RGP1: variants seen among roughly 807,000 people sequenced by gnomAD.
RGP1 encodes RAB6A-GEF complex partner protein 2.
RGP1 carries 28 observed loss-of-function variants against 44.5 expected under a neutral mutation model. That is an observed-to-expected ratio of 0.63 (90% confidence interval 0.47 to 0.86). RGP1 has a LOEUF of 0.86. Ranked by LOEUF, RGP1 falls within the 40% of genes least tolerant of loss-of-function variation. The probability of loss-of-function intolerance (pLI) is 0.00; values close to 1 mark genes in which losing one functional copy is unlikely to be tolerated. For synonymous variants in RGP1, 212 were observed against 196.7 expected (o/e 1.08, Z -0.65); for missense variants, 417 against 490.7 (o/e 0.85, Z 1.42).
the RGP1 span, among the ~76,000 whole-genome samples, chr9:35,770,923 A>T: frequency 6.6e-6 from 1 of 152,190 alleles, no homozygotes; most frequent in African/African-American, 2.4e-5. Context: ...AAGAACAGGT[A>T]CTCACACAGG....
rs763505594 is a variant in RGP1, at chr9:35,757,694, T to C, written c.*4820T>C. On this transcript the variant is annotated 3_prime_UTR_variant, in exon 9 of 9. Transcript: ENST00000378078. ...GTTTTAGGAGTAGGGGGAGTTATGATTATTTGGTTACATTTTGGGATTATT... is the reference window on the plus strand; with the variant it reads ...GTTTTAGGAGTAGGGGGAGTTATGACTATTTGGTTACATTTTGGGATTATT... 6.6e-6 allele frequency: 1 copy of C among 152,064 alleles called. No individual in the cohort carries two copies. Among genetic ancestry groups the C allele is most frequent in the Admixed American group, 6.5e-5 (1 of 15,268 alleles). The allele number at this position is 152,064 out of a possible 1,614,324, so 9.4% of individuals were successfully genotyped here.
the RGP1 span, among the ~76,000 whole-genome samples, chr9:35,781,628 A>G: frequency 6.6e-6 from 1 of 152,062 alleles, no homozygotes; most frequent in Non-Finnish European, 1.5e-5. Flanking sequence ...CACTGGCAAT[A>G]CCTTTTAGGT....
chr9:35,778,710 G>A, the RGP1 span, among the ~76,000 whole-genome samples: 1 of 152,112 alleles, frequency 6.6e-6, no homozygotes, highest in Non-Finnish European at 1.5e-5. Context: ...CACAAATAAT[G>A]CACATTCGCC....
Position 35,750,665 on chromosome 9 carries a change from G to A in RGP1, c.261G>A (p.Arg87=). ...QTVFLPHRGE[R]GQCILSTPPK... is the part of the protein sequence containing the mutation. ...CATTTTTACCTTTTTCAGGTGAGAGGGGCCAGTGTATCCTTTCTACTCCAC... is the reference window on the plus strand; with the variant it reads ...CATTTTTACCTTTTTCAGGTGAGAGAGGCCAGTGTATCCTTTCTACTCCAC... Residue 87 remains arginine, a synonymous_variant, in exon 4 of 9, where the codon AGG becomes AGA. Coordinates refer to ENST00000378078, the MANE Select transcript of RGP1 (RefSeq NM_001080496.3). 6.2e-7 allele frequency: 1 copy of A among 1,613,914 alleles called. No homozygotes were observed. The highest frequency in any genetic ancestry group is 8.5e-7 in the Non-Finnish European group (1 of 1,179,844).
At chr9:35,771,973 G>C in the RGP1 span, among the ~76,000 whole-genome samples, 167 of 152,280 alleles carry the variant, frequency 1.1e-3, no homozygotes, top group African/African-American at 3.3e-3. Flanking sequence ...TGCTTTTGGG[G>C]GAGGGGAGGC....
At chr9:35,770,492 GGA>G in the RGP1 span, among the ~76,000 whole-genome samples, 7,683 of 106,318 alleles carry the variant, frequency 0.072, 258 homozygotes, top group Non-Finnish European at 0.093. Context: ...GTATTACCAT[GGA>G]GAGAGAGAGA....
Position 35,755,607 on chromosome 9 carries a change from A to T in RGP1, c.*2733A>T, listed in dbSNP as rs180683602. The T allele has an allele frequency of 2.6e-5, 4 of 152,344 alleles. No individual in the cohort carries two copies. Among genetic ancestry groups the T allele is most frequent in the Admixed American group, 2.0e-4 (3 of 15,304 alleles). The allele number at this position is 152,344 out of a possible 1,614,324, so 9.4% of individuals were successfully genotyped here. On this transcript the variant is annotated 3_prime_UTR_variant, in exon 9 of 9. Transcript: ENST00000378078. ...GATCATCAGGCATTAGATTCTCATA[A>T]GGAGTGTGCAATCTAGATCCCTTGC...
At position 35,756,135 on chromosome 9, in the gene RGP1, A is replaced by G. The variant is rs1013212592; in HGVS notation, c.*3261A>G. 5.3e-5 allele frequency: 8 copies of G among 152,146 alleles called. No homozygotes were observed. Among genetic ancestry groups the G allele is most frequent in the African/African-American group, 1.7e-4 (7 of 41,398 alleles). 9.4% of individuals were successfully genotyped at this position (152,146 alleles called of 1,614,324 possible). A position where few individuals can be genotyped will look rare whatever the true frequency, so the allele number is the denominator to read the frequency against. ...TCTTTGGCACTAAAGGCCCTGGTCA[A>G]ATTGGATTTCTTTCATTTTTCCACA... On this transcript the variant is annotated 3_prime_UTR_variant, in exon 9 of 9. Coordinates refer to ENST00000378078, the MANE Select transcript of RGP1 (RefSeq NM_001080496.3).
chr9:35,781,049 T>C, the RGP1 span, among the ~76,000 whole-genome samples: 49 of 152,162 alleles, frequency 3.2e-4, no homozygotes, highest in Non-Finnish European at 6.8e-4. Context: ...CACAATCTAA[T>C]GGGGCAGAAA....
At chr9:35,770,257 C>G in the RGP1 span, among the ~76,000 whole-genome samples, 2 of 152,266 alleles carry the variant, frequency 1.3e-5, no homozygotes, top group Middle Eastern at 3.4e-3. Context: ...GGCTGAGCAC[C>G]TATGTGGATG....
chr9:35,770,382 A>G, the RGP1 span, among the ~76,000 whole-genome samples: 1 of 152,164 alleles, frequency 6.6e-6, no homozygotes, highest in African/African-American at 2.4e-5. Context: ...AAGTGAAGAT[A>G]TCCTGTGGGC....
chr9:35,774,453 C>T, the RGP1 span, among the ~76,000 whole-genome samples: 1 of 152,218 alleles, frequency 6.6e-6, no homozygotes, highest in Non-Finnish European at 1.5e-5. Context: ...CTTGGCCGGG[C>T]GCGGTGGCTC....
chr9:35,765,625 C>G, the RGP1 span, among the ~76,000 whole-genome samples: 1 of 150,280 alleles, frequency 6.7e-6, no homozygotes, highest in Admixed American at 6.6e-5. Flanking sequence ...CTTCTGCACT[C>G]CAGCCTGGGT....
Position 35,750,325 on chromosome 9 carries a change from T to C in RGP1, c.199T>C (p.Ser67Pro). Residue 67 changes from serine (S) to proline (P), a missense_variant, in exon 3 of 9, where the codon TCT (serine) becomes CCT (proline). Coordinates refer to ENST00000378078, the MANE Select transcript of RGP1 (RefSeq NM_001080496.3). ...ESRVALPPPD[S>P]SQPDVQPDSQ... The stretch of plus-strand genomic sequence containing the variant: ...TCGAGTAGCACTGCCTCCTCCTGAC[T>C]CTAGTCAGCCAGATGTCCAGCCCGA... The C allele has an allele frequency of 6.2e-7, 1 of 1,613,958 alleles. No homozygotes were observed. The highest frequency in any genetic ancestry group is 1.3e-5 in the African/African-American group (1 of 75,030).
downstream of RGP1, among the ~76,000 whole-genome samples, chr9:35,760,913 G>C (rs1445964018): frequency 6.6e-6 from 1 of 152,234 alleles, no homozygotes; most frequent in African/African-American, 2.4e-5. Flanking sequence ...TACAGGCTCA[G>C]TGCTCCCACA....
the RGP1 span, among the ~76,000 whole-genome samples, chr9:35,774,987 C>T: frequency 6.6e-6 from 1 of 152,086 alleles, no homozygotes; most frequent in Admixed American, 6.6e-5. Context: ...CCTTTTCTCT[C>T]TGTTTTCTCC....
chr9:35,756,750 G>C lies in RGP1; in HGVS notation c.*3876G>C, dbSNP rs1418458659. 1 of 152,578 alleles carries C rather than the reference G, an allele frequency of 6.6e-6. No homozygotes were observed. The highest frequency in any genetic ancestry group is 1.5e-5 in the Non-Finnish European group (1 of 68,258). 9.5% of individuals were successfully genotyped at this position (152,578 alleles called of 1,614,324 possible). A position where few individuals can be genotyped will look rare whatever the true frequency, so the allele number is the denominator to read the frequency against. On this transcript the variant is annotated 3_prime_UTR_variant, in exon 9 of 9. Transcript: ENST00000378078. Reference sequence around the variant, plus strand: ...GGGGGCGGATGTGAGTGGGGAGCTGGGGCGCATGAAGGTGGGGGTGATGCC... The same window carrying C: ...GGGGGCGGATGTGAGTGGGGAGCTGCGGCGCATGAAGGTGGGGGTGATGCC...
At chr9:35,777,127 C>CTTTTTTTTTTTTTTTTTTTTTTTTTT in the RGP1 span, among the ~76,000 whole-genome samples, 1 of 82,312 alleles carries the variant, frequency 1.2e-5, no homozygotes, top group Non-Finnish European at 2.2e-5. Context: ...AGGTGTTTTT[C>CTTTTTTTTTTTTTTTTTTTTTTTTTT]TTTTTTTTTT....
rs1475749808 is a variant in RGP1, at chr9:35,757,919, AAAAAAT to A, written c.*5053_*5058del. The A allele has an allele frequency of 1.3e-5, 2 of 152,352 alleles. No individual in the cohort carries two copies. The highest frequency in any genetic ancestry group is 4.8e-5 in the African/African-American group (2 of 41,572). 9.4% of individuals were successfully genotyped at this position (152,352 alleles called of 1,614,324 possible). A position where few individuals can be genotyped will look rare whatever the true frequency, so the allele number is the denominator to read the frequency against. On this transcript the variant is annotated 3_prime_UTR_variant, in exon 9 of 9. Coordinates refer to ENST00000378078, the MANE Select transcript of RGP1 (RefSeq NM_001080496.3). ...TAATTTTGGTGGATTTTTAAAAATA[AAAAAAT>A]AAAAATAGAAAAGTTGCACAATCTA...
Sources: gnomAD v4.1 joint callset for allele counts (sites outside exome capture counted in the v4.1 genomes callset) on GRCh38, gnomAD v4.1.1 for gene constraint, MANE v1.5 for transcripts, NCBI Gene and HGNC (gene_info 2026-07-23, HGNC 2026-07-21) for gene names.